CPE: variants seen among roughly 807,000 people sequenced by gnomAD.
The protein encoded by CPE is carboxypeptidase E, also known as carbocypeptidase E.
A neutral mutation model predicts 53.5 loss-of-function variants in CPE; 17 were observed. The ratio of observed to expected loss-of-function variants is 0.32; its 90% CI spans 0.22 to 0.48. CPE has a LOEUF of 0.48. Among genes scored for constraint, CPE ranks in the 20% least tolerant of loss-of-function variants. CPE has a pLI of 0.99. For synonymous variants in CPE, 226 were observed against 228.8 expected (o/e 0.99, Z 0.11); for missense variants, 524 against 614.7 (o/e 0.85, Z 1.56).
chr4:165,395,055 G>T (rs1730742145), intron 1 of CPE, among the ~76,000 whole-genome samples: 1 of 152,044 alleles, frequency 6.6e-6, no homozygotes, highest in African/African-American at 2.4e-5. Flanking sequence ...TTTGATTTTT[G>T]TCCTGTGACA....
chr4:165,416,800 C>T (rs1579251659), intron 1 of CPE, among the ~76,000 whole-genome samples: 1 of 151,902 alleles, frequency 6.6e-6, no homozygotes, highest in Non-Finnish European at 1.5e-5. Context: ...AGGCCATAAG[C>T]TCAGTGGCAC....
At chr4:165,406,022 G>T in intron 1 of CPE, 1 of 755,052 alleles carries the variant, frequency 1.3e-6, no homozygotes. Context: ...CTTGCAAGTG[G>T]CTAAAATGTT....
intron 1 of CPE, among the ~76,000 whole-genome samples, chr4:165,385,446 T>C (rs1730576397): frequency 6.9e-6 from 1 of 145,390 alleles, no homozygotes; most frequent in Admixed American, 6.8e-5. Context: ...ATGTTTGCTT[T>C]TTTTTTTTTT....
intron 1 of CPE, among the ~76,000 whole-genome samples, chr4:165,452,209 A>G (rs1731823904): frequency 6.6e-6 from 1 of 152,270 alleles, no homozygotes; most frequent in African/African-American, 2.4e-5. Context: ...TAGAAGAAAT[A>G]AGTTCTAATA....
intron 1 of CPE, among the ~76,000 whole-genome samples, chr4:165,462,519 T>C (rs1732025899): frequency 6.6e-6 from 1 of 152,186 alleles, no homozygotes; most frequent in African/African-American, 2.4e-5. Context: ...AATATTCCCC[T>C]GGCTACTTGC....
intron 6 of CPE, among the ~76,000 whole-genome samples, chr4:165,490,629 C>CAAA (rs36034365): frequency 4.9e-3 from 199 of 40,734 alleles, no homozygotes; most frequent in African/African-American, 6.8e-3. Flanking sequence ...GACTCCGTCT[C>CAAA]AAAAAAAAAA....
At chr4:165,450,312 C>T (rs1280907834) in intron 1 of CPE, among the ~76,000 whole-genome samples, 2 of 152,004 alleles carry the variant, frequency 1.3e-5, no homozygotes, top group African/African-American at 2.4e-5. Flanking sequence ...ATCTTATATG[C>T]GATTTTGTCT....
intron 1 of CPE, among the ~76,000 whole-genome samples, chr4:165,452,147 T>A (rs959919418): frequency 4.2e-4 from 64 of 151,830 alleles, no homozygotes; most frequent in Non-Finnish European, 1.6e-4. Context: ...ATACTAGAGG[T>A]TGGGAAGGGA....
chr4:165,491,785 T>C (rs1015237065), intron 6 of CPE, among the ~76,000 whole-genome samples: 8 of 152,190 alleles, frequency 5.3e-5, no homozygotes, highest in African/African-American at 1.9e-4. Context: ...ACAAGGCACA[T>C]CTTTTTGATA....
intron 1 of CPE, among the ~76,000 whole-genome samples, chr4:165,385,877 C>A (rs1208903007): frequency 6.6e-6 from 1 of 152,194 alleles, no homozygotes; most frequent in Admixed American, 6.5e-5. Context: ...CCAGTCCTGA[C>A]TAACTTAGTC....
chr4:165,453,966 A>T (rs984453033), intron 1 of CPE, among the ~76,000 whole-genome samples: 73 of 125,012 alleles, frequency 5.8e-4, no homozygotes, highest in Non-Finnish European at 1.0e-3. Context: ...ATGCCTTCAC[A>T]AAAGCTAGAA....
intron 8 of CPE, among the ~76,000 whole-genome samples, chr4:165,497,209 C>T (rs1180647996): frequency 6.6e-6 from 1 of 152,126 alleles, no homozygotes; most frequent in Non-Finnish European, 1.5e-5. Flanking sequence ...CGTGAGCCAC[C>T]GCGCCTGGCC....
At chr4:165,436,050 A>G (rs1352828900) in intron 1 of CPE, among the ~76,000 whole-genome samples, 2 of 152,218 alleles carry the variant, frequency 1.3e-5, no homozygotes, top group East Asian at 3.9e-4. Context: ...TCAACTTCCC[A>G]AACTCAAATA....
chr4:165,438,192 T>A (rs1731543494), intron 1 of CPE, among the ~76,000 whole-genome samples: 1 of 152,088 alleles, frequency 6.6e-6, no homozygotes, highest in African/African-American at 2.4e-5. Context: ...TTTAGGAGAC[T>A]ATTTTAACAG....
chr4:165,412,031 A>G lies in CPE; in HGVS notation c.307+32503A>G, dbSNP rs535580998. Among the ~76,000 whole-genome samples the G allele has an allele frequency of 6.5e-4, 99 of 152,298 alleles. 1 individual carries two copies. Among genetic ancestry groups the G allele is most frequent in the Admixed American group, 6.3e-3 (97 of 15,294 alleles). On this transcript the variant is annotated intron_variant, in intron 1 of 8. Coordinates refer to ENST00000402744, the MANE Select transcript of CPE (RefSeq NM_001873.4). ...TTTTGGTCTTTCAAATGTGTCAACA[A>G]CTTGTACACTGGAACAGCCTCTGTC...
intron 2 of CPE, among the ~76,000 whole-genome samples, chr4:165,465,615 A>C (rs1338587107): frequency 6.6e-6 from 1 of 152,116 alleles, no homozygotes; most frequent in East Asian, 1.9e-4. Flanking sequence ...GAAAATTCAC[A>C]TTATAAAATG....
At chr4:165,402,506 G>C (rs1257140293) in intron 1 of CPE, among the ~76,000 whole-genome samples, 1 of 152,180 alleles carries the variant, frequency 6.6e-6, no homozygotes, top group Non-Finnish European at 1.5e-5. Flanking sequence ...CACAGGGGCA[G>C]ATTCTTCTTG....
At chr4:165,427,054 C>T (rs914744097) in intron 1 of CPE, among the ~76,000 whole-genome samples, 4 of 152,198 alleles carry the variant, frequency 2.6e-5, no homozygotes, top group Non-Finnish European at 5.9e-5. Context: ...AGGCCCTTAG[C>T]TTGAGTTACT....
chr4:165,404,862 A>G (rs762863399), intron 1 of CPE: 1 of 763,904 alleles, frequency 1.3e-6, no homozygotes, highest in Non-Finnish European at 2.5e-6. Flanking sequence ...GGAGAGAAGT[A>G]GTGCCTGCCA....
Sources: gnomAD v4.1 joint callset for allele counts (sites outside exome capture counted in the v4.1 genomes callset) on GRCh38, gnomAD v4.1.1 for gene constraint, MANE v1.5 for transcripts, NCBI Gene and HGNC (gene_info 2026-07-23, HGNC 2026-07-21) for gene names.